Variants in LONP1 observed in about 807,000 individuals in gnomAD.
LONP1 encodes the protein lon protease homolog, mitochondrial.
LONP1 carries 31 observed loss-of-function variants against 98.5 expected under a neutral mutation model. The ratio of observed to expected loss-of-function variants is 0.31; its 90% CI spans 0.24 to 0.42. LONP1 has a LOEUF of 0.42. LONP1 is among the 20% of genes least tolerant of loss of function. The pLI, the probability that LONP1 is intolerant of heterozygous loss-of-function variation, is 1.00. For missense variants in LONP1, 1,336 were observed against 1,350.6 expected (o/e 0.99, Z 0.17); for synonymous variants, 781 against 594.7 (o/e 1.31, Z -4.56).
intron 12 of LONP1, 39 bp downstream of exon 12, chr19:5,696,210 C>A: frequency 6.2e-7 from 1 of 1,612,754 alleles, no homozygotes; most frequent in Non-Finnish European, 8.5e-7. Flanking sequence ...TGGCCGCTTA[C>A]CCTCCCCAGC....
intron 10 of LONP1, 66 bp from the exon 11 acceptor site, chr19:5,696,823 C>A: frequency 9.3e-7 from 1 of 1,076,978 alleles, no homozygotes; most frequent in Admixed American, 1.9e-5. Context: ...ACACCATGCA[C>A]CCTCCAGGGC....
Position 5,693,571 on chromosome 19 carries a change from A to T in LONP1, c.2519T>A (p.Ile840Asn). ...PANDYLVTSH[I>N]HLHVPEGATP... Reference sequence around the variant, plus strand: ...GGTCACCTCGGGCACATGCAGGTGGATGTGTGAGGTCACCAGGTAGTCATT... The same window carrying T: ...GGTCACCTCGGGCACATGCAGGTGGTTGTGTGAGGTCACCAGGTAGTCATT... Residue 840 changes from isoleucine (I) to asparagine (N), a missense_variant, in exon 16 of 18, where the codon ATC (isoleucine) becomes AAC (asparagine). Transcript: ENST00000360614. The T allele has an allele frequency of 6.2e-7, 1 of 1,614,024 alleles. No individual in the cohort carries two copies. The highest frequency in any genetic ancestry group is 8.5e-7 in the Non-Finnish European group (1 of 1,179,980).
Position 5,705,917 on chromosome 19 carries a change from C to T in LONP1, c.1222G>A (p.Gly408Ser). 6.2e-7 allele frequency: 1 copy of T among 1,614,130 alleles called. No homozygotes were observed. Among genetic ancestry groups the T allele is most frequent in the Non-Finnish European group, 8.5e-7 (1 of 1,180,028 alleles). ...EQLKIIKKEL[G>S]LEKDDKDAIE... The stretch of plus-strand genomic sequence containing the variant: ...GCATCCTTGTCGTCCTTCTCCAGGC[C>T]CAGCTCCTTCTTGATGATCTTTAGC... Residue 408 changes from glycine (G) to serine (S), a missense_variant, in exon 8 of 18, where the codon GGC (glycine) becomes AGC (serine). Physicochemically the swap from Gly to Ser is moderately conservative, Grantham distance 56. Transcript: ENST00000360614.
intron 9 of LONP1, 40 bp downstream of exon 9, chr19:5,700,749 C>A: frequency 6.2e-7 from 1 of 1,611,562 alleles, no homozygotes; most frequent in Non-Finnish European, 8.5e-7. Context: ...GGCCCGGGCA[C>A]CCACATGCAA....
intron 7 of LONP1, among the ~76,000 whole-genome samples, chr19:5,706,826 C>T (rs1214196996): frequency 6.6e-6 from 1 of 152,228 alleles, no homozygotes; most frequent in African/African-American, 2.4e-5. Flanking sequence ...GACTGCTCCA[C>T]CCTGGGCTCA....
chr19:5,710,642 T>C (rs1008895640), intron 4 of LONP1, among the ~76,000 whole-genome samples: 1 of 152,118 alleles, frequency 6.6e-6, no homozygotes. Context: ...CCTCCAAAAG[T>C]GTTGGGATGA....
Position 5,715,313 on chromosome 19 carries a change from C to T in LONP1, c.430-1042G>A, listed in dbSNP as rs193011915. ...ACATAAGTAATTTAAATGTGACCCA[C>T]TCCAGAGATTGATAACTTCCTTTTT... On this transcript the variant is annotated intron_variant, in intron 1 of 17. Transcript: ENST00000360614. 9.9e-5 allele frequency among the ~76,000 whole-genome samples: 15 copies of T among 151,294 alleles called. No homozygotes were observed. In the East Asian group the frequency reaches 2.3e-3, roughly 24 times the overall value.
At chr19:5,692,333 A>G (rs1004806778) in intron 17 of LONP1, 125 bp from the exon 18 acceptor site, 2 of 952,786 alleles carry the variant, frequency 2.1e-6, no homozygotes, top group Non-Finnish European at 3.1e-6. Flanking sequence ...TCTAAGCAGT[A>G]AGTCCCAAAA....
At chr19:5,697,733 G>A (rs1319626929) in intron 10 of LONP1, among the ~76,000 whole-genome samples, 1 of 149,776 alleles carries the variant, frequency 6.7e-6, no homozygotes, top group Non-Finnish European at 1.5e-5. Context: ...ACGATCCATC[G>A]CCCCGCAGCC....
intron 9 of LONP1, among the ~76,000 whole-genome samples, chr19:5,699,804 C>T (rs544061509): frequency 2.0e-5 from 3 of 151,986 alleles, no homozygotes; most frequent in African/African-American, 4.8e-5. Flanking sequence ...GTGATCCACC[C>T]GCCTCGGCCT....
chr19:5,717,381 T>C (rs2055340084), intron 1 of LONP1: 1 of 152,160 alleles, frequency 6.6e-6, no homozygotes, highest in African/African-American at 2.4e-5. Context: ...CTTGGCAGGA[T>C]CCATTTTTAT....
intron 1 of LONP1, among the ~76,000 whole-genome samples, chr19:5,719,386 G>C (rs2055386036): frequency 6.6e-6 from 1 of 152,212 alleles, no homozygotes; most frequent in African/African-American, 2.4e-5. Context: ...CAAGTAAGGA[G>C]AAAACTAACA....
chr19:5,712,824 A>T (rs1010743461), intron 3 of LONP1, among the ~76,000 whole-genome samples: 4 of 150,746 alleles, frequency 2.7e-5, no homozygotes, highest in Admixed American at 1.3e-4. Context: ...CAGAGATGGG[A>T]TCTCGCTACG....
chr19:5,718,329 T>C (rs1020771345), intron 1 of LONP1, among the ~76,000 whole-genome samples: 7 of 151,822 alleles, frequency 4.6e-5, no homozygotes, highest in Admixed American at 3.9e-4. Context: ...AATAGAAAAA[T>C]TAGCCAGCCA....
At chr19:5,700,374 A>C (rs2055017910) in intron 9 of LONP1, among the ~76,000 whole-genome samples, 2 of 152,202 alleles carry the variant, frequency 1.3e-5, no homozygotes, top group South Asian at 2.1e-4. Flanking sequence ...CAGCCTCCCA[A>C]AGTGCTGGGA....
intron 1 of LONP1, chr19:5,714,995 A>G (rs928475576): frequency 2.7e-5 from 4 of 147,536 alleles, no homozygotes; most frequent in African/African-American, 1.0e-4. Flanking sequence ...CTCTGGGGAC[A>G]TGCTGATCCG....
chr19:5,697,750 C>CTGTCCT (rs201539832), intron 10 of LONP1, among the ~76,000 whole-genome samples: 1 of 148,854 alleles, frequency 6.7e-6, no homozygotes, highest in Non-Finnish European at 1.5e-5. Flanking sequence ...AGCCAGTCTC[C>CTGTCCT]TGTCCTTGTC....
At chr19:5,706,214 G>A (rs1028110247) in intron 7 of LONP1, among the ~76,000 whole-genome samples, 8 of 152,080 alleles carry the variant, frequency 5.3e-5, no homozygotes, top group African/African-American at 1.4e-4. Flanking sequence ...ATAGCTCACC[G>A]TAGCCTCCAC....
intron 8 of LONP1, among the ~76,000 whole-genome samples, chr19:5,702,266 GCCC>G (rs553102037): frequency 2.4e-5 from 3 of 126,740 alleles, no homozygotes; most frequent in East Asian, 2.4e-4. Flanking sequence ...GGGGGGGTCA[GCCC>G]CCCACCAGGC....
Sources: allele counts gnomAD v4.1 joint callset (sites outside exome capture counted in the v4.1 genomes callset), GRCh38; gene constraint gnomAD v4.1.1; transcripts MANE v1.5; gene names NCBI Gene and HGNC (gene_info 2026-07-23, HGNC 2026-07-21).